Variants in SUGCT observed in about 807,000 individuals in gnomAD.
SUGCT encodes the protein succinyl-CoA:glutarate CoA-transferase.
Under a neutral mutation model 55.0 loss-of-function variants are expected in SUGCT, and 41 were observed. The ratio of observed to expected loss-of-function variants is 0.74; its 90% confidence interval spans 0.58 to 0.97. The LOEUF (loss-of-function observed/expected upper bound fraction) is 0.97. SUGCT is among the 50% of genes least tolerant of loss of function. The pLI is 0.00. For synonymous variants in SUGCT, 187 were observed against 200.4 expected (o/e 0.93, Z 0.56); for missense variants, 568 against 547.8 (o/e 1.04, Z -0.37).
At chr7:40,994,927 G>A in the SUGCT span, among the ~76,000 whole-genome samples, 1 of 152,064 alleles carries the variant, frequency 6.6e-6, no homozygotes, top group African/African-American at 2.4e-5. Context: ...GCTCCTTGAG[G>A]CCCTCACCAG....
intron 6 of SUGCT, among the ~76,000 whole-genome samples, chr7:40,215,818 C>T (rs1362906086): frequency 4.6e-5 from 7 of 150,926 alleles, no homozygotes; most frequent in African/African-American, 1.7e-4. Context: ...GCCGAGATCG[C>T]GCCACTGCAC....
At chr7:41,015,902 G>A in the SUGCT span, among the ~76,000 whole-genome samples, 4 of 152,148 alleles carry the variant, frequency 2.6e-5, no homozygotes, top group African/African-American at 9.7e-5. Flanking sequence ...TTGCATGTAT[G>A]TGTGTGTGGA....
intron 8 of SUGCT, among the ~76,000 whole-genome samples, chr7:40,298,303 A>G (rs1562657686): frequency 6.6e-6 from 1 of 152,168 alleles, no homozygotes. Context: ...GCATTGGGAT[A>G]GAGACTTCTT....
At chr7:40,553,219 C>A (rs1435037571) in intron 12 of SUGCT, among the ~76,000 whole-genome samples, 1 of 152,230 alleles carries the variant, frequency 6.6e-6, no homozygotes, top group East Asian at 1.9e-4. Flanking sequence ...AAAACTGATG[C>A]ATTAAAGAAA....
intron 12 of SUGCT, among the ~76,000 whole-genome samples, chr7:40,700,707 C>G (rs1785138322): frequency 6.6e-6 from 1 of 152,140 alleles, no homozygotes; most frequent in South Asian, 2.1e-4. Flanking sequence ...TTCCTAATTT[C>G]CAACAGCATG....
the SUGCT span, among the ~76,000 whole-genome samples, chr7:40,987,957 T>G: frequency 2.0e-5 from 3 of 152,082 alleles, no homozygotes; most frequent in Non-Finnish European, 4.4e-5. Flanking sequence ...TTTCTCTCTG[T>G]GTGTGTCTCT....
At chr7:40,706,040 A>G (rs1785382518) in intron 12 of SUGCT, among the ~76,000 whole-genome samples, 1 of 152,234 alleles carries the variant, frequency 6.6e-6, no homozygotes, top group Non-Finnish European at 1.5e-5. Flanking sequence ...ATACCTTTAA[A>G]TATATGGCCT....
intron 7 of SUGCT, among the ~76,000 whole-genome samples, chr7:40,245,922 C>A (rs1789843452): frequency 6.6e-6 from 1 of 152,036 alleles, no homozygotes; most frequent in African/African-American, 2.4e-5. Flanking sequence ...TGGCTCACTG[C>A]AGTCTGGGCT....
chr7:40,454,123 G>T (rs1180640186), intron 10 of SUGCT, among the ~76,000 whole-genome samples: 1 of 152,092 alleles, frequency 6.6e-6, no homozygotes, highest in African/African-American at 2.4e-5. Flanking sequence ...GAGAACAAAA[G>T]ATAGCTCCTT....
At chr7:40,883,053 T>C in the SUGCT span, among the ~76,000 whole-genome samples, 4 of 152,228 alleles carry the variant, frequency 2.6e-5, no homozygotes, top group Non-Finnish European at 4.4e-5. Context: ...TTTGGTTTAG[T>C]TGTCCTGCCT....
In SUGCT at chr7:40,804,888, G is replaced by C. The variant is rs115901979; in HGVS notation, c.1153+55391G>C. On this transcript the variant is annotated intron_variant, in intron 13 of 13. Coordinates refer to ENST00000335693, the MANE Select transcript of SUGCT (RefSeq NM_001193313.2). ...TGATTTAATTCTGTTAATAATGCTA[G>C]AAATGTTAAGAAAACATTTGGGGGA... 2.0e-3 allele frequency among the ~76,000 whole-genome samples: 303 copies of C among 152,304 alleles called. 1 individual carries two copies. Among genetic ancestry groups the C allele is most frequent in the African/African-American group, 7.1e-3 (296 of 41,570 alleles).
At chr7:40,761,090 A>G (rs1040694803) in intron 13 of SUGCT, among the ~76,000 whole-genome samples, 3 of 152,234 alleles carry the variant, frequency 2.0e-5, no homozygotes, top group African/African-American at 7.2e-5. Context: ...TTCGTTTAAC[A>G]AATGTTTATC....
the SUGCT span, among the ~76,000 whole-genome samples, chr7:40,971,828 T>A: frequency 2.0e-5 from 3 of 152,224 alleles, no homozygotes; most frequent in Non-Finnish European, 4.4e-5. Flanking sequence ...CCTCTGTATT[T>A]GCAGAGCAGT....
intron 11 of SUGCT, among the ~76,000 whole-genome samples, chr7:40,494,167 A>G (rs1791850267): frequency 6.6e-6 from 1 of 152,162 alleles, no homozygotes; most frequent in Non-Finnish European, 1.5e-5. Context: ...GGATATTGAC[A>G]TGCATTTTCT....
chr7:40,249,328 T>TCTATATATATATATATAG (rs1790169305), intron 7 of SUGCT, among the ~76,000 whole-genome samples: 1 of 117,954 alleles, frequency 8.5e-6, no homozygotes, highest in Non-Finnish European at 1.8e-5. Flanking sequence ...TATATATATA[T>TCTATATATATATATATAG]ATATATATAT....
chr7:40,238,056 C>T (rs1035073578), intron 7 of SUGCT, among the ~76,000 whole-genome samples: 4 of 152,118 alleles, frequency 2.6e-5, no homozygotes, highest in African/African-American at 9.7e-5. Context: ...ATATAGGCAC[C>T]TTTGTGTGAT....
At chr7:40,403,421 AG>A (rs1388345901) in intron 9 of SUGCT, among the ~76,000 whole-genome samples, 2 of 152,242 alleles carry the variant, frequency 1.3e-5, no homozygotes, top group Non-Finnish European at 2.9e-5. Context: ...TATTAAAAAC[AG>A]TGGTAACACT....
the SUGCT span, among the ~76,000 whole-genome samples, chr7:40,886,616 A>G: frequency 6.6e-6 from 1 of 152,174 alleles, no homozygotes; most frequent in Non-Finnish European, 1.5e-5. Context: ...GGGCCAAAAT[A>G]TTGGATGGCT....
intron 12 of SUGCT, among the ~76,000 whole-genome samples, chr7:40,721,978 G>T (rs554994708): frequency 6.6e-6 from 1 of 152,270 alleles, no homozygotes; most frequent in African/African-American, 2.4e-5. Context: ...CCAGATGAAA[G>T]AAGTTCTTAT....
Sources: allele counts gnomAD v4.1 joint callset (sites outside exome capture counted in the v4.1 genomes callset), GRCh38; gene constraint gnomAD v4.1.1; transcripts MANE v1.5; gene names NCBI Gene and HGNC (gene_info 2026-07-23, HGNC 2026-07-21).